Variants in MTF2 observed in about 807,000 individuals in gnomAD.
The protein encoded by MTF2 is metal-response element-binding transcription factor 2.
In MTF2, 11 loss-of-function variants were observed where a neutral mutation model predicts 79.5. The observed-to-expected ratio is 0.14, with a 90% confidence interval of 0.09 to 0.23. MTF2 has a LOEUF of 0.23. Among genes scored for constraint, MTF2 ranks in the 10% least tolerant of loss-of-function variants. MTF2 has a pLI of 1.00. For synonymous variants in MTF2, 208 were observed against 232.8 expected (o/e 0.89, Z 0.97); for missense variants, 486 against 711.2 (o/e 0.68, Z 3.60).
At chr1:93,109,821 A>G (rs889629294) in intron 1 of MTF2, among the ~76,000 whole-genome samples, 1 of 152,156 alleles carries the variant, frequency 6.6e-6, no homozygotes, top group African/African-American at 2.4e-5. Context: ...TCACTGGTTA[A>G]TGTGTCTTAA....
At chr1:93,130,519 G>GTGAGCC (rs1406389800) in intron 11 of MTF2, among the ~76,000 whole-genome samples, 1 of 152,128 alleles carries the variant, frequency 6.6e-6, no homozygotes, top group Non-Finnish European at 1.5e-5. Flanking sequence ...GGAGGTTGCA[G>GTGAGCC]TGAGCCGAGA....
At chr1:93,113,913 T>G (rs767885442) in intron 3 of MTF2, among the ~76,000 whole-genome samples, 1 of 152,170 alleles carries the variant, frequency 6.6e-6, no homozygotes, top group Non-Finnish European at 1.5e-5. Context: ...AGGCTGTGTA[T>G]TGTGAATTTG....
chr1:93,105,360 C>T (rs1655729008), intron 1 of MTF2, among the ~76,000 whole-genome samples: 1 of 152,032 alleles, frequency 6.6e-6, no homozygotes, highest in South Asian at 2.1e-4. Context: ...GTTATTCTAC[C>T]CCCCATCCCC....
rs1411352685 is a variant in MTF2 at position 93,136,864 on chromosome 1, A to G, written c.1619A>G (p.Asp540Gly). The change falls in exon 15 of 15, where the codon GAT becomes GGT. Residue 540 changes from aspartate (D) to glycine (G), a missense_variant. By Grantham distance (94) the Asp-to-Gly change is moderately conservative (BLOSUM62 -1). Coordinates refer to ENST00000370298, the MANE Select transcript of MTF2 (RefSeq NM_007358.4). ...ACAGAGATTCTGAATAACTTAGCAG[A>G]TCAGGAGTTACAACTCAATCATCTA... ...LNTEILNNLADQELQLNHLKN... is the reference protein window; with the variant it reads ...LNTEILNNLAGQELQLNHLKN... 2 of 1,614,102 alleles carry G rather than the reference A, an allele frequency of 1.2e-6. No individual in the cohort carries two copies. The highest frequency in any genetic ancestry group is 1.7e-6 in the Non-Finnish European group (2 of 1,180,040).
rs1035551241 is a variant in MTF2, at chr1:93,119,412, A to G, written c.797+11A>G. On this transcript the variant is annotated intron_variant, in intron 8 of 14. Transcript: ENST00000370298. Reference sequence around the variant, plus strand: ...TCTACCATTACAGTGGTAAGTGTGGACCTTTCTGTTAAAAGAAAGAAAAGC... The same window carrying G: ...TCTACCATTACAGTGGTAAGTGTGGGCCTTTCTGTTAAAAGAAAGAAAAGC... 2.6e-6 allele frequency: 4 copies of G among 1,566,026 alleles called. No individual in the cohort carries two copies. The highest frequency in any genetic ancestry group is 4.0e-5 in the Admixed American group (2 of 49,742).
chr1:93,138,274 TTTG>T lies in MTF2; in HGVS notation c.*1250_*1252del, dbSNP rs1367130576. 1.3e-5 allele frequency: 2 copies of T among 152,194 alleles called. No homozygotes were observed. Among genetic ancestry groups the T allele is most frequent in the African/African-American group, 4.8e-5 (2 of 41,468 alleles). 9.4% of individuals were successfully genotyped at this position (152,194 alleles called of 1,614,324 possible). A position where few individuals can be genotyped will look rare whatever the true frequency, so the allele number is the denominator to read the frequency against. Reference sequence around the variant, plus strand: ...ACAGTTGTCTTCTGTTTCTTTTTGTTTTGTTTTATTTGTTTTCCTTTTTAGCCA... The same window carrying T: ...ACAGTTGTCTTCTGTTTCTTTTTGTTTTTTATTTGTTTTCCTTTTTAGCCA... On this transcript the variant is annotated 3_prime_UTR_variant, in exon 15 of 15. Transcript: ENST00000370298.
intron 1 of MTF2, among the ~76,000 whole-genome samples, chr1:93,086,975 AT>A (rs1654866569): frequency 6.6e-6 from 1 of 152,156 alleles, no homozygotes; most frequent in Non-Finnish European, 1.5e-5. Flanking sequence ...CACAAAATTC[AT>A]TTATGTTTCA....
intron 3 of MTF2, among the ~76,000 whole-genome samples, chr1:93,114,195 T>C (rs946125473): frequency 5.9e-5 from 9 of 152,238 alleles, no homozygotes; most frequent in African/African-American, 2.2e-4. Flanking sequence ...TTTAATAAAT[T>C]AGTAAGTAAA....
intron 1 of MTF2, among the ~76,000 whole-genome samples, chr1:93,102,573 CAGAG>C (rs1230590753): frequency 6.6e-6 from 1 of 151,638 alleles, no homozygotes; most frequent in Non-Finnish European, 1.5e-5. Context: ...GCCTGGGTGA[CAGAG>C]AGAGACCCTG....
intron 1 of MTF2, among the ~76,000 whole-genome samples, chr1:93,103,245 A>T (rs1308099124): frequency 6.6e-6 from 1 of 150,982 alleles, no homozygotes; most frequent in East Asian, 1.9e-4. Context: ...GTAGTATTTT[A>T]TTATATATAT....
intron 10 of MTF2, among the ~76,000 whole-genome samples, chr1:93,128,298 C>A (rs1432643295): frequency 6.6e-6 from 1 of 152,052 alleles, no homozygotes; most frequent in African/African-American, 2.4e-5. Flanking sequence ...TGGCTCACAC[C>A]TGTAATCCCA....
intron 3 of MTF2, among the ~76,000 whole-genome samples, chr1:93,113,162 T>G (rs2101061494): frequency 6.6e-6 from 1 of 151,558 alleles, no homozygotes; most frequent in South Asian, 2.1e-4. Flanking sequence ...GGAGGATTGC[T>G]TGAGCCCAGG....
At position 93,114,856 on chromosome 1, in the gene MTF2, T is replaced by C. The variant is rs112731707; in HGVS notation, c.382+73T>C. ...TGAAGATTAATGACTAAAAATACTT[T>C]ACATTGATAATTTGAAATTATCCTT... On this transcript the variant is annotated intron_variant, in intron 4 of 14. Transcript: ENST00000370298. The C allele has an allele frequency of 1.0e-5, 13 of 1,303,210 alleles. 1 individual carries two copies. In the African/African-American group the frequency reaches 1.6e-4, roughly 16 times the overall value. The allele number at this position is 1,303,210 out of a possible 1,614,324, so 80.7% of individuals were successfully genotyped here.
chr1:93,089,694 A>G (rs1654990447), intron 1 of MTF2, among the ~76,000 whole-genome samples: 1 of 152,064 alleles, frequency 6.6e-6, no homozygotes, highest in African/African-American at 2.4e-5. Context: ...TTGGGACTAC[A>G]TGCTCTCACC....
intron 1 of MTF2, among the ~76,000 whole-genome samples, chr1:93,101,583 T>TTTTTTTG (rs1557546816): frequency 8.9e-6 from 1 of 112,448 alleles, no homozygotes; most frequent in African/African-American, 3.1e-5. Flanking sequence ...TTTTTTTTTT[T>TTTTTTTG]TTTTTTTTTT....
In MTF2 at chr1:93,087,194, C is replaced by T. The variant is rs77918784; in HGVS notation, c.5+7663C>T. On this transcript the variant is annotated intron_variant, in intron 1 of 14. Transcript: ENST00000370298. ...AGGGATGCTCAACTTGTATTAGTAT[C>T]TGAGGACACTTAACAACCAAGTTGA... 3.6e-3 allele frequency among the ~76,000 whole-genome samples: 546 copies of T among 152,244 alleles called. 4 individuals carry two copies. The highest frequency in any genetic ancestry group is 0.013 in the African/African-American group (520 of 41,534).
intron 3 of MTF2, among the ~76,000 whole-genome samples, chr1:93,113,499 T>C (rs912307075): frequency 2.6e-5 from 4 of 152,156 alleles, no homozygotes; most frequent in African/African-American, 9.7e-5. Flanking sequence ...AGAAAAACAG[T>C]TGGTAACCTG....
At chr1:93,114,965 T>C (rs1265218080) in intron 4 of MTF2, 23 bp from the exon 5 acceptor site, 2 of 1,527,808 alleles carry the variant, frequency 1.3e-6, no homozygotes, top group Non-Finnish European at 1.8e-6. Flanking sequence ...CCGAATTTGC[T>C]TTATGCTTTT....
At chr1:93,096,454 C>T (rs1367689857) in intron 1 of MTF2, among the ~76,000 whole-genome samples, 2 of 152,046 alleles carry the variant, frequency 1.3e-5, no homozygotes, top group African/African-American at 4.8e-5. Flanking sequence ...TAATATTTCC[C>T]AAATGTTTTC....
Sources: gnomAD v4.1 joint callset for allele counts (sites outside exome capture counted in the v4.1 genomes callset) on GRCh38, gnomAD v4.1.1 for gene constraint, MANE v1.5 for transcripts, NCBI Gene and HGNC (gene_info 2026-07-23, HGNC 2026-07-21) for gene names.